Variants in ZFHX3 observed in about 807,000 individuals in gnomAD.
ZFHX3 encodes the protein zinc finger homeobox protein 3.
A neutral mutation model predicts 279.1 loss-of-function variants in ZFHX3; 42 were observed. That is an observed-to-expected ratio of 0.15 (90% CI 0.12 to 0.19). The LOEUF is 0.19. Ranked by LOEUF, ZFHX3 falls within the 10% of genes least tolerant of loss-of-function variation. ZFHX3 has a pLI of 1.00. For missense variants in ZFHX3, 4,981 were observed against 4,754.0 expected (o/e 1.05, Z -1.40); for synonymous variants, 2,293 against 1,957.8 (o/e 1.17, Z -4.52).
intron 1 of ZFHX3, among the ~76,000 whole-genome samples, chr16:73,028,786 G>T (rs747574147): frequency 1.6e-5 from 1 of 62,336 alleles, no homozygotes; most frequent in Non-Finnish European, 3.1e-5. Context: ...CCACAGCCCC[G>T]GGGCACCCAA....
chr16:72,971,682 C>G (rs1291881258), intron 1 of ZFHX3, among the ~76,000 whole-genome samples: 1 of 152,020 alleles, frequency 6.6e-6, no homozygotes, highest in East Asian at 1.9e-4. Flanking sequence ...CCTTTCCACT[C>G]CTGCTTGCAC....
chr16:73,682,880 A>AAGAGAAAGAAAGAAAGAGAGAAAG (rs1555532183), intron 1 of ZFHX3, among the ~76,000 whole-genome samples: 1 of 27,148 alleles, frequency 3.7e-5, no homozygotes, highest in African/African-American at 1.1e-4. Context: ...GAAAGAAAGA[A>AAGAGAAAGAAAGAAAGAGAGAAAG]AGAAAGAAAG....
chr16:73,333,296 A>G (rs906816420), intron 3 of ZFHX3, among the ~76,000 whole-genome samples: 1 of 152,184 alleles, frequency 6.6e-6, no homozygotes, highest in Admixed American at 6.5e-5. Context: ...CACGTAGTAG[A>G]CAGACACATA....
At chr16:73,641,633 C>T (rs2052573911) in intron 2 of ZFHX3, among the ~76,000 whole-genome samples, 2 of 152,072 alleles carry the variant, frequency 1.3e-5, no homozygotes, top group Non-Finnish European at 2.9e-5. Flanking sequence ...TTGATTCTTA[C>T]CTACTAAAAT....
At chr16:73,297,434 A>G (rs996195265) in intron 4 of ZFHX3, among the ~76,000 whole-genome samples, 1 of 152,064 alleles carries the variant, frequency 6.6e-6, no homozygotes, top group Admixed American at 6.5e-5. Flanking sequence ...TTACATGGAC[A>G]CAGTAGGAGC....
intron 7 of ZFHX3, among the ~76,000 whole-genome samples, chr16:72,800,820 A>G (rs1426392230): frequency 6.6e-6 from 1 of 152,144 alleles, no homozygotes; most frequent in Admixed American, 6.5e-5. Flanking sequence ...CTTCTGACCA[A>G]CGTCCCAGCG....
chr16:73,868,920 T>A (rs913845019), intron 1 of ZFHX3, among the ~76,000 whole-genome samples: 5 of 152,342 alleles, frequency 3.3e-5, no homozygotes, highest in African/African-American at 1.2e-4. Flanking sequence ...AATAGCATTT[T>A]CATTCTTTCT....
chr16:73,256,154 C>A (rs2013657063), intron 5 of ZFHX3, among the ~76,000 whole-genome samples: 1 of 152,172 alleles, frequency 6.6e-6, no homozygotes, highest in Non-Finnish European at 1.5e-5. Context: ...CTTCAGTGGT[C>A]ACTTCCAAAA....
intron 1 of ZFHX3, among the ~76,000 whole-genome samples, chr16:73,769,858 C>T (rs1177713999): frequency 1.3e-5 from 2 of 152,118 alleles, no homozygotes; most frequent in African/African-American, 2.4e-5. Flanking sequence ...TATTTGGCTC[C>T]AGTGATAAAC....
At chr16:73,409,819 G>A (rs949121412) in intron 3 of ZFHX3, among the ~76,000 whole-genome samples, 3 of 152,260 alleles carry the variant, frequency 2.0e-5, no homozygotes, top group East Asian at 3.9e-4. Context: ...CAACATAGAT[G>A]GAACTGAAGG....
intron 1 of ZFHX3, among the ~76,000 whole-genome samples, chr16:73,890,244 AAAAAAAAAAACAAC>A (rs1017479148): frequency 2.9e-4 from 14 of 48,962 alleles, no homozygotes; most frequent in Non-Finnish European, 8.2e-4. Flanking sequence ...AAAAACCAAA[AAAAAAAAAAACAAC>A]AAAAAAAAAC....
At position 72,959,140 on chromosome 16, in the gene ZFHX3, G is replaced by C; in HGVS notation, c.1006C>G (p.Leu336Val). The C allele has an allele frequency of 6.2e-7, 1 of 1,614,256 alleles. No homozygotes were observed. Residue 336 changes from leucine to valine, a missense_variant, in exon 2 of 10, where the codon CTT becomes GTT. This residue lies in a region of ZFHX3 where 1,068 missense variants were observed against 935.2 expected (regional missense o/e 1.14). Coordinates refer to ENST00000268489, the MANE Select transcript of ZFHX3 (RefSeq NM_006885.4). ...IQGIGKDKEP[L>V]VSFLEPKNKN... ...TTTTTTGGTTCCAGAAAACTTACAAGGGGTTCCTTGTCTTTGCCGATCCCT... is the reference window on the plus strand; with the variant it reads ...TTTTTTGGTTCCAGAAAACTTACAACGGGTTCCTTGTCTTTGCCGATCCCT...
At chr16:72,859,798 G>T (rs16971338) in intron 4 of ZFHX3, among the ~76,000 whole-genome samples, 97 of 152,106 alleles carry the variant, frequency 6.4e-4, no homozygotes, top group Non-Finnish European at 9.0e-4. Flanking sequence ...GTCACTTCTG[G>T]TAATGGCCTT....
rs954031807 is a variant in ZFHX3, at chr16:72,872,328, T to C, written c.3448+17403A>G. On this transcript the variant is annotated intron_variant, in intron 4 of 9. Transcript: ENST00000268489. ...ACTTGCAGTTCCCCTCCAATACAAATAGCCCCAAAATCAACATATTATTCC... is the reference window on the plus strand; with the variant it reads ...ACTTGCAGTTCCCCTCCAATACAAACAGCCCCAAAATCAACATATTATTCC... Among the ~76,000 whole-genome samples the C allele has an allele frequency of 3.3e-5, 5 of 152,170 alleles. No homozygotes were observed. The East Asian group carries it at 5.8e-4, about 18-fold the overall frequency.
intron 1 of ZFHX3, among the ~76,000 whole-genome samples, chr16:73,873,951 G>A (rs1336054889): frequency 6.6e-6 from 1 of 151,442 alleles, no homozygotes; most frequent in Non-Finnish European, 1.5e-5. Context: ...AGACACAACA[G>A]TCAGGAGAGG....
At chr16:73,293,329 T>A (rs908827110) in intron 4 of ZFHX3, among the ~76,000 whole-genome samples, 1 of 152,160 alleles carries the variant, frequency 6.6e-6, no homozygotes, top group Non-Finnish European at 1.5e-5. Context: ...AAGCCCTTCA[T>A]GAAGCACCCA....
chr16:73,134,895 T>C (rs572507503), intron 6 of ZFHX3, among the ~76,000 whole-genome samples: 1 of 152,126 alleles, frequency 6.6e-6, no homozygotes, highest in Non-Finnish European at 1.5e-5. Flanking sequence ...ATGAGAATGC[T>C]TTGAAGTCAG....
chr16:73,064,920 G>C (rs1200252844), intron 8 of ZFHX3, among the ~76,000 whole-genome samples: 1 of 152,262 alleles, frequency 6.6e-6, no homozygotes, highest in African/African-American at 2.4e-5. Flanking sequence ...GTAGGTACTA[G>C]AAGTTTGCAC....
In ZFHX3 at chr16:73,021,506, T is replaced by C. The variant is rs7206628; in HGVS notation, c.-50+26246A>G. On this transcript the variant is annotated intron_variant, in intron 1 of 9. Coordinates refer to ENST00000268489, the MANE Select transcript of ZFHX3 (RefSeq NM_006885.4). ...GTCTTTGAAGTAATTTATAACTAAA[T>C]TGAGCTCAGACTAGATCGGGGTAGG... Among the ~76,000 whole-genome samples the C allele has an allele frequency of 3.8e-3, 585 of 152,244 alleles. 5 individuals are homozygous for C. Among genetic ancestry groups the C allele is most frequent in the African/African-American group, 0.013 (553 of 41,560 alleles).
Sources: gnomAD v4.1 joint callset for allele counts (sites outside exome capture counted in the v4.1 genomes callset) on GRCh38, gnomAD v4.1.1 for gene constraint, gnomAD v4.1.1 regional missense constraint, MANE v1.5 for transcripts, NCBI Gene and HGNC (gene_info 2026-07-23, HGNC 2026-07-21) for gene names.